Variants in UNC13C observed in about 807,000 individuals in gnomAD.
UNC13C encodes the protein unc-13 homolog C.
Under a neutral mutation model 245.4 loss-of-function variants are expected in UNC13C, and 174 were observed. The ratio of observed to expected loss-of-function variants is 0.71; its 90% CI spans 0.63 to 0.80. The LOEUF (loss-of-function observed/expected upper bound fraction) is 0.80, where lower values mean the gene tolerates loss of function less well. UNC13C is among the 30% of genes least tolerant of loss of function. The pLI is 0.00. For missense variants in UNC13C, 2,829 were observed against 2,602.9 expected (o/e 1.09, Z -1.89); for synonymous variants, 992 against 895.1 (o/e 1.11, Z -1.93).
intron 19 of UNC13C, among the ~76,000 whole-genome samples, chr15:54,431,006 G>C (rs989977274): frequency 6.6e-6 from 1 of 151,768 alleles, no homozygotes; most frequent in Admixed American, 6.6e-5. Context: ...TACACCCAAA[G>C]CAGTTACATT....
At chr15:54,435,641 G>T (rs959842776) in intron 19 of UNC13C, among the ~76,000 whole-genome samples, 14 of 151,514 alleles carry the variant, frequency 9.2e-5, no homozygotes, top group Non-Finnish European at 1.6e-4. Flanking sequence ...TAGATGATGG[G>T]TTGATGGGTG....
At chr15:53,902,293 C>T in the UNC13C span, among the ~76,000 whole-genome samples, 1 of 152,098 alleles carries the variant, frequency 6.6e-6, no homozygotes, top group African/African-American at 2.4e-5. Flanking sequence ...GTATACCTTC[C>T]TAGATACAGG....
intron 2 of UNC13C, among the ~76,000 whole-genome samples, chr15:54,047,024 C>T (rs556518002): frequency 6.6e-6 from 1 of 152,052 alleles, no homozygotes; most frequent in Admixed American, 6.6e-5. Context: ...CTATAATGTA[C>T]AATGTCCAAA....
intron 1 of UNC13C, among the ~76,000 whole-genome samples, chr15:54,001,875 G>A (rs868567505): frequency 6.6e-6 from 1 of 152,168 alleles, no homozygotes; most frequent in African/African-American, 2.4e-5. Context: ...TAGAGCTCAG[G>A]TGGGCACCAA....
chr15:54,158,074 C>G (rs2032825794), intron 4 of UNC13C, among the ~76,000 whole-genome samples: 1 of 152,196 alleles, frequency 6.6e-6, no homozygotes, highest in African/African-American at 2.4e-5. Flanking sequence ...TCAAGGAACT[C>G]ATCTCCAGAA....
chr15:54,210,920 A>G (rs1338967329), intron 4 of UNC13C, among the ~76,000 whole-genome samples: 1 of 152,144 alleles, frequency 6.6e-6, no homozygotes, highest in Non-Finnish European at 1.5e-5. Flanking sequence ...ACGGGGAGAC[A>G]TTATATTTAT....
chr15:54,299,850 G>A (rs2037530466), intron 12 of UNC13C, among the ~76,000 whole-genome samples: 1 of 152,050 alleles, frequency 6.6e-6, no homozygotes, highest in South Asian at 2.1e-4. Context: ...ATACTTTAAA[G>A]TTTGAGAACC....
At chr15:54,152,184 T>C (rs1340044625) in intron 4 of UNC13C, among the ~76,000 whole-genome samples, 1 of 152,072 alleles carries the variant, frequency 6.6e-6, no homozygotes, top group Non-Finnish European at 1.5e-5. Flanking sequence ...CATTCACAAT[T>C]TTTTTTCTCA....
chr15:54,227,265 C>T (rs898504551), intron 4 of UNC13C, among the ~76,000 whole-genome samples: 11 of 152,232 alleles, frequency 7.2e-5, no homozygotes, highest in Middle Eastern at 3.4e-3. Context: ...TGGCCACGGG[C>T]GGGCCTGGAA....
At chr15:53,985,911 C>A (rs1894119865) in intron 1 of UNC13C, among the ~76,000 whole-genome samples, 1 of 152,040 alleles carries the variant, frequency 6.6e-6, no homozygotes, top group Admixed American at 6.6e-5. Flanking sequence ...TTGACTCCAG[C>A]TGATAATCTC....
At chr15:54,174,622 A>G (rs775228746) in intron 4 of UNC13C, among the ~76,000 whole-genome samples, 1 of 152,224 alleles carries the variant, frequency 6.6e-6, no homozygotes, top group Non-Finnish European at 1.5e-5. Flanking sequence ...TTTGAACAGT[A>G]TAATTAAATA....
intron 14 of UNC13C, among the ~76,000 whole-genome samples, chr15:54,326,028 A>C (rs1340916006): frequency 1.3e-5 from 2 of 151,978 alleles, no homozygotes; most frequent in Non-Finnish European, 2.9e-5. Flanking sequence ...ATCTCAGAGG[A>C]AACGAAGGAA....
At chr15:54,134,596 T>C (rs2031633555) in intron 2 of UNC13C, among the ~76,000 whole-genome samples, 1 of 152,124 alleles carries the variant, frequency 6.6e-6, no homozygotes, top group Non-Finnish European at 1.5e-5. Flanking sequence ...CTCAGCTCAC[T>C]GCAAGCTCCG....
intron 2 of UNC13C, among the ~76,000 whole-genome samples, chr15:54,022,720 T>A (rs1421164514): frequency 6.6e-6 from 1 of 152,332 alleles, no homozygotes; most frequent in Middle Eastern, 3.4e-3. Context: ...TTTCTGTAAA[T>A]TGTTTCCTTG....
chr15:54,183,466 C>CAT (rs572346328), intron 4 of UNC13C, among the ~76,000 whole-genome samples: 132 of 151,538 alleles, frequency 8.7e-4, no homozygotes, highest in African/African-American at 3.0e-3. Flanking sequence ...CAAAAACTTT[C>CAT]ATATATATAT....
At chr15:54,526,031 A>G (rs1007907038) in intron 25 of UNC13C, among the ~76,000 whole-genome samples, 4 of 152,232 alleles carry the variant, frequency 2.6e-5, no homozygotes, top group Non-Finnish European at 5.9e-5. Context: ...TATAAGAAGT[A>G]TGAGTTGTAT....
chr15:54,255,645 A>G (rs1032566379), intron 8 of UNC13C, among the ~76,000 whole-genome samples: 5 of 150,806 alleles, frequency 3.3e-5, no homozygotes, highest in East Asian at 2.0e-4. Flanking sequence ...GGGTTTTTAT[A>G]GGCACAGGAT....
the UNC13C span, among the ~76,000 whole-genome samples, chr15:53,875,595 A>G: frequency 1.3e-5 from 2 of 152,132 alleles, no homozygotes; most frequent in East Asian, 3.9e-4. Context: ...TGTGATGGGA[A>G]CTGCATTTGA....
chr15:54,126,523 G>T (rs2031053431), intron 2 of UNC13C, among the ~76,000 whole-genome samples: 1 of 152,110 alleles, frequency 6.6e-6, no homozygotes, highest in East Asian at 1.9e-4. Context: ...TATTGTTTGA[G>T]ACTTAAACTC....
Sources: gnomAD v4.1 joint callset for allele counts (sites outside exome capture counted in the v4.1 genomes callset) on GRCh38, gnomAD v4.1.1 for gene constraint, MANE v1.5 for transcripts, NCBI Gene and HGNC (gene_info 2026-07-23, HGNC 2026-07-21) for gene names.